SHQ1: variants seen among roughly 807,000 people sequenced by gnomAD.
SHQ1 encodes SHQ1, H/ACA ribonucleoprotein assembly factor, also known as protein SHQ1 homolog.
SHQ1 carries 49 observed loss-of-function variants against 53.8 expected under a neutral mutation model. The observed-to-expected ratio is 0.91, with a 90% CI of 0.72 to 1.16. The LOEUF is 1.16. SHQ1 is among the 50% of genes most tolerant of loss of function. SHQ1 has a pLI of 0.00. For synonymous variants in SHQ1, 243 were observed against 251.0 expected, an observed-to-expected ratio of 0.97 and a Z score of 0.30; for missense variants, 738 against 683.1, an observed-to-expected ratio of 1.08 and a Z score of -0.90.
intron 9 of SHQ1, among the ~76,000 whole-genome samples, chr3:72,807,337 T>G (rs927505288): frequency 6.6e-6 from 1 of 152,214 alleles, no homozygotes; most frequent in Non-Finnish European, 1.5e-5. Flanking sequence ...ATTAGAACTA[T>G]TATATCTTCA....
intron 5 of SHQ1, among the ~76,000 whole-genome samples, chr3:72,826,760 G>A (rs150353397): frequency 1.2e-4 from 18 of 152,286 alleles, no homozygotes; most frequent in Admixed American, 2.0e-4. Context: ...TGAAAAACTG[G>A]TTGGCGAAGG....
At chr3:72,761,507 A>G (rs1006429869) in intron 10 of SHQ1, among the ~76,000 whole-genome samples, 8 of 152,218 alleles carry the variant, frequency 5.3e-5, no homozygotes, top group Admixed American at 4.6e-4. Flanking sequence ...TGAATAATAT[A>G]GTCAAATCAC....
chr3:72,743,937 G>A, the SHQ1 span, among the ~76,000 whole-genome samples: 1 of 152,206 alleles, frequency 6.6e-6, no homozygotes, highest in African/African-American at 2.4e-5. Context: ...AGTTGAATGG[G>A]GGCCTTGAAG....
At chr3:72,741,047 T>C in the SHQ1 span, among the ~76,000 whole-genome samples, 1 of 152,172 alleles carries the variant, frequency 6.6e-6, no homozygotes, top group African/African-American at 2.4e-5. Context: ...TTAGACAACC[T>C]CAGAGATTCT....
chr3:72,841,366 GA>G (rs1708175335), intron 3 of SHQ1, among the ~76,000 whole-genome samples, 167 bp from the exon 4 acceptor site: 2 of 144,076 alleles, frequency 1.4e-5, no homozygotes, highest in Admixed American at 1.4e-4. Flanking sequence ...AAAAAAAAAA[GA>G]ACCAAAAATG....
chr3:72,833,530 T>TAGAC (rs139030362), intron 4 of SHQ1, among the ~76,000 whole-genome samples: 12 of 132,140 alleles, frequency 9.1e-5, no homozygotes, highest in Non-Finnish European at 1.3e-4. Flanking sequence ...AGATGGATGA[T>TAGAC]AGACAGATAG....
rs200696295 is a variant in SHQ1, at chr3:72,832,397, G to T, written c.571C>A (p.Leu191Met). 1 of 1,612,254 alleles carries T rather than the reference G, an allele frequency of 6.2e-7. No individual in the cohort carries two copies. ...TAATGATCAGGATCAAACTTGGCCA[G>T]CTCAGCGGCCAGGCGCTTCTGTCTT... Reference protein sequence around the residue: ...ERRQKRLAAELAKFDPDHYLA... With the variant: ...ERRQKRLAAEMAKFDPDHYLA... The change falls in exon 5 of 11, where the codon CTG becomes ATG. Residue 191 changes from leucine to methionine, a missense_variant. Transcript: ENST00000325599.
chr3:72,814,270 C>T (rs1013909374), intron 8 of SHQ1, among the ~76,000 whole-genome samples: 1 of 152,162 alleles, frequency 6.6e-6, no homozygotes, highest in African/African-American at 2.4e-5. Context: ...TTAATAAATG[C>T]TAACACAGAA....
At chr3:72,812,626 TACA>T (rs1707159891) in intron 9 of SHQ1, 42 bp downstream of exon 9, 2 of 1,605,590 alleles carry the variant, frequency 1.2e-6, no homozygotes, top group Non-Finnish European at 1.7e-6. Context: ...ACTAAAAACT[TACA>T]ACTTTTTCCC....
chr3:72,729,667 C>T, the SHQ1 span, among the ~76,000 whole-genome samples: 4 of 152,126 alleles, frequency 2.6e-5, no homozygotes, highest in Admixed American at 6.5e-5. Flanking sequence ...GGGTTGGTTC[C>T]CTCACTTTGT....
At chr3:72,794,355 T>C (rs1706534911) in intron 9 of SHQ1, 1 of 152,214 alleles carries the variant, frequency 6.6e-6, no homozygotes, top group African/African-American at 2.4e-5. Context: ...TATTTAGTGG[T>C]TAATCCCCAA....
At chr3:72,835,243 T>G (rs1461370849) in intron 4 of SHQ1, among the ~76,000 whole-genome samples, 1 of 152,030 alleles carries the variant, frequency 6.6e-6, no homozygotes, top group African/African-American at 2.4e-5. Context: ...GACATTTTTT[T>G]GGGGAAGGGG....
chr3:72,806,806 C>A (rs1706961078), intron 9 of SHQ1, among the ~76,000 whole-genome samples: 1 of 152,190 alleles, frequency 6.6e-6, no homozygotes, highest in South Asian at 2.1e-4. Flanking sequence ...ATTTCCCTGA[C>A]CCCTAGTGAA....
chr3:72,742,199 TAA>T, the SHQ1 span, among the ~76,000 whole-genome samples: 3 of 124,168 alleles, frequency 2.4e-5, no homozygotes, highest in African/African-American at 5.8e-5. Flanking sequence ...CCCTATCTCT[TAA>T]AAAAAAAAAA....
At chr3:72,824,276 G>A in intron 6 of SHQ1, 148 bp downstream of exon 6, 3 of 920,316 alleles carry the variant, frequency 3.3e-6, no homozygotes, top group Non-Finnish European at 4.7e-6. Context: ...CAGGGGCAAA[G>A]AAGTCATTTC....
chr3:72,739,454 G>A, the SHQ1 span, among the ~76,000 whole-genome samples: 1 of 152,220 alleles, frequency 6.6e-6, no homozygotes, highest in African/African-American at 2.4e-5. Flanking sequence ...CAGGAACAGC[G>A]TCTACAGCTG....
At chr3:72,764,682 CT>C (rs1037268381) in intron 10 of SHQ1, among the ~76,000 whole-genome samples, 2 of 152,194 alleles carry the variant, frequency 1.3e-5, no homozygotes, top group African/African-American at 4.8e-5. Context: ...CATCTTGGAA[CT>C]TCTTAGAAAT....
chr3:72,740,474 C>T, the SHQ1 span, among the ~76,000 whole-genome samples: 1 of 152,216 alleles, frequency 6.6e-6, no homozygotes, highest in African/African-American at 2.4e-5. Flanking sequence ...GGTTAAGCCT[C>T]TCCTGAAATC....
At chr3:72,811,724 A>C (rs536265720) in intron 9 of SHQ1, among the ~76,000 whole-genome samples, 4 of 152,330 alleles carry the variant, frequency 2.6e-5, no homozygotes, top group African/African-American at 9.6e-5. Flanking sequence ...AGCGAAGTAC[A>C]CTTCCAGGTG....
Sources: gnomAD v4.1 joint callset for allele counts (sites outside exome capture counted in the v4.1 genomes callset) on GRCh38, gnomAD v4.1.1 for gene constraint, MANE v1.5 for transcripts, NCBI Gene and HGNC (gene_info 2026-07-23, HGNC 2026-07-21) for gene names.